Variants in QKI observed in about 807,000 individuals in gnomAD.
QKI encodes QKI, KH domain containing RNA binding, also known as KH domain-containing RNA-binding protein QKI.
In QKI, 10 loss-of-function variants were observed where a neutral mutation model predicts 39.0. The ratio of observed to expected loss-of-function variants is 0.26; its 90% confidence interval spans 0.16 to 0.43. QKI has a LOEUF of 0.43. QKI is among the 20% of genes least tolerant of loss of function. The probability of loss-of-function intolerance (pLI) is 1.00; values close to 1 mark genes in which losing one functional copy is unlikely to be tolerated. For missense variants in QKI, 218 were observed against 428.0 expected (o/e 0.51, Z 4.33); for synonymous variants, 204 against 155.4 (o/e 1.31, Z -2.33).
rs1269263148 is a variant in QKI, at chr6:163,519,899, G to C, written c.403-15083G>C. ...TTGTGATGAATGGCATGTTACATCTGTTTCTTAATTAAGGGGAAGTGGGCC... is the reference window on the plus strand; with the variant it reads ...TTGTGATGAATGGCATGTTACATCTCTTTCTTAATTAAGGGGAAGTGGGCC... On this transcript the variant is annotated intron_variant, in intron 3 of 7. Transcript: ENST00000361752. 7.9e-5 allele frequency among the ~76,000 whole-genome samples: 12 copies of C among 152,090 alleles called. No homozygotes were observed. In the East Asian group the frequency reaches 2.1e-3, roughly 27 times the overall value.
rs572718638 is a variant in QKI at position 163,511,303 on chromosome 6, A to T, written c.403-23679A>T. 2.0e-5 allele frequency among the ~76,000 whole-genome samples: 3 copies of T among 152,282 alleles called. No homozygotes were observed. The South Asian group carries it at 6.2e-4, about 32-fold the overall frequency. The stretch of plus-strand genomic sequence containing the variant: ...CTACAATTATCTAATTTCCTACCTA[A>T]TTAAACATTTAAAGAAAACAGCAAG... On this transcript the variant is annotated intron_variant, in intron 3 of 7. Transcript: ENST00000361752.
chr6:163,482,102 T>C (rs1793116223), intron 3 of QKI, among the ~76,000 whole-genome samples: 1 of 152,050 alleles, frequency 6.6e-6, no homozygotes, highest in Admixed American at 6.6e-5. Flanking sequence ...GGAGGATGCT[T>C]GAGCCCAGGA....
chr6:163,552,963 GT>G (rs1354438185), intron 4 of QKI, among the ~76,000 whole-genome samples: 40 of 151,282 alleles, frequency 2.6e-4, no homozygotes, highest in Admixed American at 2.6e-3. Context: ...TCCCGCCACA[GT>G]GGGTATACTT....
At chr6:163,482,189 G>GA (rs930092506) in intron 3 of QKI, among the ~76,000 whole-genome samples, 1 of 151,806 alleles carries the variant, frequency 6.6e-6, no homozygotes, top group Non-Finnish European at 1.5e-5. Flanking sequence ...TGTCTCGGGG[G>GA]AAAAAAGAAA....
At chr6:163,415,731 G>A (rs1177180922) in intron 1 of QKI, among the ~76,000 whole-genome samples, 2 of 151,898 alleles carry the variant, frequency 1.3e-5, no homozygotes, top group Admixed American at 1.3e-4. Context: ...CGCCGGCCTG[G>A]AGGACGCGTG....
At chr6:163,561,503 G>C (rs1783007304) in intron 4 of QKI, among the ~76,000 whole-genome samples, 1 of 152,168 alleles carries the variant, frequency 6.6e-6, no homozygotes, top group African/African-American at 2.4e-5. Context: ...AGCTACTTCG[G>C]AGGCTGAGGT....
intron 3 of QKI, among the ~76,000 whole-genome samples, chr6:163,482,309 A>G (rs556554375): frequency 5.3e-5 from 8 of 152,350 alleles, no homozygotes; most frequent in African/African-American, 1.7e-4. Context: ...ATTGAGTATT[A>G]GAAACTTTGA....
intron 2 of QKI, among the ~76,000 whole-genome samples, chr6:163,456,862 C>G (rs139420979): frequency 6.6e-6 from 1 of 151,980 alleles, no homozygotes; most frequent in East Asian, 1.9e-4. Flanking sequence ...TGGAGCTTCT[C>G]GGTTGAGAGC....
intron 3 of QKI, among the ~76,000 whole-genome samples, chr6:163,482,142 G>A (rs1362338825): frequency 6.6e-6 from 1 of 152,016 alleles, no homozygotes; most frequent in Non-Finnish European, 1.5e-5. Flanking sequence ...ATGATTGTGT[G>A]CCACTGCACT....
intron 3 of QKI, among the ~76,000 whole-genome samples, chr6:163,493,840 A>AAGTT (rs1027528225): frequency 1.5e-4 from 8 of 53,238 alleles, no homozygotes; most frequent in African/African-American, 4.1e-4. Flanking sequence ...CACTTTTTTA[A>AAGTT]AGGGACAAAA....
chr6:163,540,752 A>G (rs894694198), intron 4 of QKI, among the ~76,000 whole-genome samples: 7 of 152,094 alleles, frequency 4.6e-5, no homozygotes, highest in South Asian at 2.1e-4. Context: ...TTTGATTTTG[A>G]TGATCAGTTT....
At chr6:163,530,868 C>T (rs888856196) in intron 3 of QKI, among the ~76,000 whole-genome samples, 1 of 152,188 alleles carries the variant, frequency 6.6e-6, no homozygotes, top group Non-Finnish European at 1.5e-5. Context: ...TCCTTTTCAT[C>T]TGGAACCTCA....
chr6:163,482,460 A>G (rs1793146248), intron 3 of QKI, among the ~76,000 whole-genome samples: 1 of 152,078 alleles, frequency 6.6e-6, no homozygotes. Context: ...GTCACATACC[A>G]CAGGCTGAGG....
At position 163,573,226 on chromosome 6, in the gene QKI, T is replaced by G. The variant is rs865929960; in HGVS notation, c.*2516T>G. ...ATGACTTTTGAAATCTCTGAATGCCTTGGTTCTCAGTATTATCATTCTTTA... is the reference window on the plus strand; with the variant it reads ...ATGACTTTTGAAATCTCTGAATGCCGTGGTTCTCAGTATTATCATTCTTTA... On this transcript the variant is annotated 3_prime_UTR_variant, in exon 8 of 8. Coordinates refer to ENST00000361752, the MANE Select transcript of QKI (RefSeq NM_006775.3). The G allele has an allele frequency of 6.6e-6, 1 of 152,216 alleles. No individual in the cohort carries two copies. Among genetic ancestry groups the G allele is most frequent in the African/African-American group, 2.4e-5 (1 of 41,464 alleles). 9.4% of individuals were successfully genotyped at this position (152,216 alleles called of 1,614,324 possible). A position where few individuals can be genotyped will look rare whatever the true frequency, so the allele number is the denominator to read the frequency against.
intron 1 of QKI, among the ~76,000 whole-genome samples, chr6:163,437,259 T>C (rs1789378561): frequency 6.6e-6 from 1 of 152,254 alleles, no homozygotes; most frequent in East Asian, 1.9e-4. Flanking sequence ...GGTATATACA[T>C]AAGCTATATA....
At chr6:163,530,372 T>A (rs1780776633) in intron 3 of QKI, among the ~76,000 whole-genome samples, 2 of 152,198 alleles carry the variant, frequency 1.3e-5, no homozygotes, top group Admixed American at 1.3e-4. Context: ...ATGGATATTT[T>A]AAGTTCAGAA....
intron 4 of QKI, among the ~76,000 whole-genome samples, chr6:163,559,208 A>G (rs944141647): frequency 1.3e-5 from 2 of 151,844 alleles, no homozygotes; most frequent in African/African-American, 4.8e-5. Flanking sequence ...TTTCGTCTTT[A>G]TTTCCTCTTT....
Position 163,571,663 on chromosome 6 carries a change from G to A in QKI, c.*953G>A, listed in dbSNP as rs1001768947. 2 of 151,220 alleles carry A rather than the reference G, an allele frequency of 1.3e-5. No homozygotes were observed. Among genetic ancestry groups the A allele is most frequent in the African/African-American group, 4.9e-5 (2 of 41,162 alleles). The allele number at this position is 151,220 out of a possible 1,614,324, so 9.4% of individuals were successfully genotyped here. A position where few individuals can be genotyped will look rare whatever the true frequency, so the allele number is the denominator to read the frequency against. ...ACTTTTACTATACAAGGGTGCTGGT[G>A]CAGAAAAAAATATATATATTTTTGG... On this transcript the variant is annotated 3_prime_UTR_variant, in exon 8 of 8. Coordinates refer to ENST00000361752, the MANE Select transcript of QKI (RefSeq NM_006775.3).
At chr6:163,463,526 T>A (rs1264858871) in intron 2 of QKI, among the ~76,000 whole-genome samples, 1 of 152,160 alleles carries the variant, frequency 6.6e-6, no homozygotes, top group East Asian at 1.9e-4. Flanking sequence ...AGGGGAAAAA[T>A]TAATAACCAG....
Sources: gnomAD v4.1 joint callset for allele counts (sites outside exome capture counted in the v4.1 genomes callset) on GRCh38, gnomAD v4.1.1 for gene constraint, MANE v1.5 for transcripts, NCBI Gene and HGNC (gene_info 2026-07-23, HGNC 2026-07-21) for gene names.